Variants in COL1A2 observed in about 807,000 individuals in gnomAD.
The protein encoded by COL1A2 is collagen alpha-2(I) chain.
Under a neutral mutation model 174.3 loss-of-function variants are expected in COL1A2, and 49 were observed. That is an observed-to-expected ratio of 0.28 (90% CI 0.22 to 0.36). The LOEUF is 0.36. Among genes scored for constraint, COL1A2 ranks in the 10% least tolerant of loss-of-function variants. The probability of loss-of-function intolerance (pLI) is 1.00; values close to 1 mark genes in which losing one functional copy is unlikely to be tolerated. For missense variants in COL1A2, 1,438 were observed against 1,822.7 expected (o/e 0.79, Z 3.84); for synonymous variants, 655 against 606.6 (o/e 1.08, Z -1.17).
chr7:94,414,032 A>G, intron 28 of COL1A2, 85 bp downstream of exon 28: 6 of 1,397,752 alleles, frequency 4.3e-6, no homozygotes, highest in Non-Finnish European at 6.1e-6. Flanking sequence ...CTTCTCCACC[A>G]CAATAAACAT....
Position 94,421,032 on chromosome 7 carries a change from T to C in COL1A2, c.2319T>C (p.Pro773=). ...GPAGPNGPPG[P]AGSRGDGGPP... ...AGGGTCCAAATGGTCCCCCCGGTCC[T>C]GCTGGAAGTCGTGGTGATGGAGGCC... is the stretch of plus-strand genomic sequence containing the variant. The change falls in exon 38 of 52, where the codon CCT becomes CCC. Residue 773 remains proline (P), a synonymous_variant. Transcript: ENST00000297268. 1.9e-6 allele frequency: 3 copies of C among 1,614,226 alleles called. No homozygotes were observed. Among genetic ancestry groups the C allele is most frequent in the Admixed American group, 3.3e-5 (2 of 60,024 alleles).
Position 94,408,750 on chromosome 7 carries a change from A to T in COL1A2, c.739-20A>T. On this transcript the variant is annotated intron_variant, in intron 15 of 51. Transcript: ENST00000297268. ...ATTTACTTGGAGGAAATTTCTTACC[A>T]CCTTCTGCTTTGATTTCAGGGTCCC... is the stretch of plus-strand genomic sequence containing the variant. 6.2e-7 allele frequency: 1 copy of T among 1,613,340 alleles called. No homozygotes were observed. The highest frequency in any genetic ancestry group is 8.5e-7 in the Non-Finnish European group (1 of 1,179,682).
Position 94,421,921 on chromosome 7 carries a change from C to T in COL1A2, c.2372C>T (p.Ala791Val), listed in dbSNP as rs1208084157. 26 of 1,614,016 alleles carry T rather than the reference C, an allele frequency of 1.6e-5. No individual in the cohort carries two copies. Among genetic ancestry groups the T allele is most frequent in the Non-Finnish European group, 2.2e-5 (26 of 1,180,020 alleles). ...GPPGMTGFPGAAGRTGPPGPS... is the reference protein window; with the variant it reads ...GPPGMTGFPGVAGRTGPPGPS... ...TAGGGTATGACTGGTTTCCCTGGTG[C>T]TGCTGGACGGACTGGTCCCCCAGGA... Residue 791 changes from alanine to valine, a missense_variant, in exon 39 of 52, where the codon GCT (alanine) becomes GTT (valine). Coordinates refer to ENST00000297268, the MANE Select transcript of COL1A2 (RefSeq NM_000089.4).
Position 94,413,502 on chromosome 7 carries a change from T to C in COL1A2, c.1558-188T>C, listed in dbSNP as rs3750109. ...AACCCATAAATATATATACCTACTA[T>C]GTACCCACACAAATTAAAAATTTAA... On this transcript the variant is annotated intron_variant, in intron 26 of 51. Coordinates refer to ENST00000297268, the MANE Select transcript of COL1A2 (RefSeq NM_000089.4). Among the ~76,000 whole-genome samples, 34,715 of 152,196 alleles carry C rather than the reference T, an allele frequency of 0.23. 5,611 individuals are homozygous for C. The highest frequency in any genetic ancestry group is 0.46 in the African/African-American group (18,914 of 41,510).
chr7:94,399,199 C>T, intron 4 of COL1A2, 115 bp downstream of exon 4: 1 of 914,200 alleles, frequency 1.1e-6, no homozygotes, highest in Non-Finnish European at 1.8e-6. Flanking sequence ...ATTGTACACC[C>T]CTTTAAACAG....
intron 39 of COL1A2, chr7:94,422,159 T>C: frequency 2.1e-6 from 1 of 481,558 alleles, no homozygotes; most frequent in Non-Finnish European, 3.7e-6. Context: ...TTTATTCATG[T>C]GAACACCAGT....
rs1216102224 is a variant in COL1A2 at position 94,408,459 on chromosome 7, AATAGC to A, written c.738+82_738+86del. 2.0e-6 allele frequency: 3 copies of A among 1,478,152 alleles called. No homozygotes were observed. The African/African-American group carries it at 4.2e-5, about 21-fold the overall frequency. 91.6% of individuals were successfully genotyped at this position (1,478,152 alleles called of 1,614,324 possible). ...TGTCTTCTTCATTAATCTCTTACGA[AATAGC>A]ATCATTTCAGACACTTTACCAAATG... On this transcript the variant is annotated intron_variant, in intron 15 of 51. Transcript: ENST00000297268.
In COL1A2 at chr7:94,409,420, T is replaced by G. The variant is rs774946139; in HGVS notation, c.891T>G (p.Pro297=). The G allele has an allele frequency of 2.5e-6, 4 of 1,614,110 alleles. No individual in the cohort carries two copies. Among genetic ancestry groups the G allele is most frequent in the Non-Finnish European group, 3.4e-6 (4 of 1,179,950 alleles). Residue 297 remains proline, a splice_region_variant and synonymous_variant, in exon 17 of 52, where the codon CCT becomes CCG. Transcript: ENST00000297268. ...LPGLSGPVGP[P]GNPGANGLTG... is the part of the protein sequence containing the mutation. The stretch of plus-strand genomic sequence containing the variant: ...GCCTCTCCGGCCCCGTTGGACCTCC[T>G]GTAAGTAGCCACTGTCTTTAAACTT...
chr7:94,408,929 C>G, intron 16 of COL1A2, 106 bp downstream of exon 16: 1 of 1,050,602 alleles, frequency 9.5e-7, no homozygotes, highest in Non-Finnish European at 1.5e-6. Context: ...AAACAGTTAC[C>G]TTAATTATTC....
chr7:94,407,978 TC>T, intron 13 of COL1A2, 87 bp downstream of exon 13: 1 of 1,295,480 alleles, frequency 7.7e-7, no homozygotes, highest in Non-Finnish European at 1.1e-6. Context: ...AATCACTGTA[TC>T]CTTCAGCATT....
Position 94,405,072 on chromosome 7 carries a change from T to C in COL1A2, c.433-127T>C, listed in dbSNP as rs756256000. ...TAACCTACTTGTATTAAGGGAAAGA[T>C]TAAATATATATCTGGATCCATATTT... On this transcript the variant is annotated intron_variant, in intron 9 of 51. Transcript: ENST00000297268. The C allele has an allele frequency of 1.5e-4, 164 of 1,128,332 alleles. 1 individual carries two copies. In the South Asian group the frequency reaches 2.0e-3, roughly 14 times the overall value. The allele number at this position is 1,128,332 out of a possible 1,614,324, so 69.9% of individuals were successfully genotyped here. A position where few individuals can be genotyped will look rare whatever the true frequency, so the allele number is the denominator to read the frequency against.
At position 94,425,836 on chromosome 7, in the gene COL1A2, A is replaced by C. The variant is rs376325145; in HGVS notation, c.2922A>C (p.Lys974Asn). Reference protein sequence around the residue: ...GPHGPVGPAGKHGNRGETGPS... With the variant: ...GPHGPVGPAGNHGNRGETGPS... ...ATGGCCCCGTGGGTCCTGCTGGCAA[A>C]CATGGAAACCGTGGTGAAACTGTAA... The change falls in exon 44 of 52, where the codon AAA becomes AAC. Residue 974 changes from lysine to asparagine, a missense_variant. Lys to Asn is a moderately conservative substitution (Grantham distance 94). Transcript: ENST00000297268. 1 of 1,611,474 alleles carries C rather than the reference A, an allele frequency of 6.2e-7. No individual in the cohort carries two copies. Among genetic ancestry groups the C allele is most frequent in the Non-Finnish European group, 8.5e-7 (1 of 1,178,954 alleles).
At chr7:94,403,449 T>A (rs1791730684) in intron 6 of COL1A2, among the ~76,000 whole-genome samples, 2 of 152,154 alleles carry the variant, frequency 1.3e-5, no homozygotes, top group Admixed American at 1.3e-4. Flanking sequence ...ACACTACATT[T>A]TATGTAAATG....
At position 94,418,591 on chromosome 7, in the gene COL1A2, AT is replaced by A. The variant is rs3216182; in HGVS notation, c.2025+49del. On this transcript the variant is annotated intron_variant, in intron 33 of 51. Transcript: ENST00000297268. ...TGTTTGTATGTTTCTTCGTACTTGG[AT>A]TTTTTTTTTATGTTTGAATTGAGAA... 0.3 allele frequency: 440,280 copies of A among 1,470,432 alleles called. 62,505 individuals are homozygous for A. Among genetic ancestry groups the A allele is most frequent in the Non-Finnish European group, 0.31 (332,107 of 1,073,824 alleles). 91.1% of individuals were successfully genotyped at this position (1,470,432 alleles called of 1,614,324 possible). A position where few individuals can be genotyped will look rare whatever the true frequency, so the allele number is the denominator to read the frequency against.
chr7:94,428,413 G>T lies in COL1A2; in HGVS notation c.3647G>T (p.Trp1216Leu), dbSNP rs1023594853. 6.8e-6 allele frequency: 11 copies of T among 1,613,962 alleles called. No homozygotes were observed. In the Admixed American group the frequency reaches 1.2e-4, roughly 17 times the overall value. ...AQPENIPAKN[W>L]YRSSKDKKHV... ...CCTGAAAACATCCCAGCCAAGAACT[G>T]GTATAGGAGCTCCAAGGACAAGAAA... Residue 1216 changes from tryptophan to leucine, a missense_variant, in exon 50 of 52, where the codon TGG becomes TTG. This residue lies in a region of COL1A2 where 290 missense variants were observed against 298.1 expected (regional missense o/e 0.97). Transcript: ENST00000297268.
intron 6 of COL1A2, among the ~76,000 whole-genome samples, chr7:94,401,876 T>G (rs1453396365): frequency 6.6e-6 from 1 of 152,166 alleles, no homozygotes; most frequent in Non-Finnish European, 1.5e-5. Context: ...AGATAGATCA[T>G]ATACTTATGT....
chr7:94,399,338 G>A (rs1288918818), intron 4 of COL1A2, among the ~76,000 whole-genome samples: 5 of 152,112 alleles, frequency 3.3e-5, no homozygotes, highest in Non-Finnish European at 7.4e-5. Context: ...TTCTTTATTT[G>A]TAATTGACCC....
chr7:94,399,726 A>G (rs1466789311), intron 4 of COL1A2, among the ~76,000 whole-genome samples: 1 of 152,232 alleles, frequency 6.6e-6, no homozygotes, highest in Non-Finnish European at 1.5e-5. Context: ...GTAGTTAATG[A>G]TAGTAAATCT....
intron 44 of COL1A2, 65 bp downstream of exon 44, chr7:94,425,922 C>T (rs1792264047): frequency 5.6e-6 from 9 of 1,594,372 alleles, no homozygotes; most frequent in African/African-American, 2.7e-5. Context: ...GACTTCCCCA[C>T]ACTTGGGGAT....
Sources: gnomAD v4.1 joint callset for allele counts (sites outside exome capture counted in the v4.1 genomes callset) on GRCh38, gnomAD v4.1.1 for gene constraint, gnomAD v4.1.1 regional missense constraint, MANE v1.5 for transcripts, NCBI Gene and HGNC (gene_info 2026-07-23, HGNC 2026-07-21) for gene names.